The following SH3RF3 variants were observed in gnomAD, a reference collection of about 807,000 sequenced individuals.
SH3RF3 encodes the protein SH3 domain containing ring finger 3, also known as E3 ubiquitin-protein ligase SH3RF3.
In SH3RF3, 29 loss-of-function variants were observed where a neutral mutation model predicts 66.3. That is an observed-to-expected ratio of 0.44 (90% CI 0.33 to 0.60). SH3RF3 has a LOEUF of 0.60. Ranked by LOEUF, SH3RF3 falls within the 20% of genes least tolerant of loss-of-function variation. The pLI is 0.04. For synonymous variants in SH3RF3, 583 were observed against 532.0 expected, an observed-to-expected ratio of 1.10 and a Z score of -1.32; for missense variants, 1,194 against 1,190.9, an observed-to-expected ratio of 1.00 and a Z score of -0.04.
At position 109,301,582 on chromosome 2, in the gene SH3RF3, C is replaced by T. The variant is rs144598624; in HGVS notation, c.574-46092C>T. 5.0e-3 allele frequency among the ~76,000 whole-genome samples: 767 copies of T among 152,230 alleles called. 10 individuals carry two copies. Among genetic ancestry groups the T allele is most frequent in the African/African-American group, 0.017 (725 of 41,534 alleles). ...ACAGCCTCTGACAGCCTAGTGTCTACGCTACCACCGTCCCCAGGGCCTCTG... is the reference window on the plus strand; with the variant it reads ...ACAGCCTCTGACAGCCTAGTGTCTATGCTACCACCGTCCCCAGGGCCTCTG... On this transcript the variant is annotated intron_variant, in intron 1 of 9. Transcript: ENST00000309415.
At chr2:109,249,058 T>C (rs2105247833) in intron 1 of SH3RF3, among the ~76,000 whole-genome samples, 1 of 152,250 alleles carries the variant, frequency 6.6e-6, no homozygotes, top group Middle Eastern at 3.4e-3. Flanking sequence ...ATTTGTAATT[T>C]TGTGTAGAGA....
At chr2:109,156,658 C>G (rs986696656) in intron 1 of SH3RF3, among the ~76,000 whole-genome samples, 2 of 152,122 alleles carry the variant, frequency 1.3e-5, no homozygotes, top group African/African-American at 4.8e-5. Flanking sequence ...GTTGGCCAGG[C>G]TGGTCACGAA....
intron 1 of SH3RF3, among the ~76,000 whole-genome samples, chr2:109,195,129 A>G (rs1678464419): frequency 6.6e-6 from 1 of 152,208 alleles, no homozygotes; most frequent in South Asian, 2.1e-4. Context: ...TGGCAGATGG[A>G]TAAAAACTAA....
At chr2:109,446,370 C>T (rs1179414880) in intron 7 of SH3RF3, among the ~76,000 whole-genome samples, 2 of 152,198 alleles carry the variant, frequency 1.3e-5, no homozygotes, top group African/African-American at 4.8e-5. Flanking sequence ...ATTAAGCAGC[C>T]ATGTCCCCAC....
At chr2:109,278,172 A>G (rs1680803345) in intron 1 of SH3RF3, among the ~76,000 whole-genome samples, 1 of 132,882 alleles carries the variant, frequency 7.5e-6, no homozygotes, top group South Asian at 2.6e-4. Flanking sequence ...GCAAGACCCA[A>G]TCTTAAAAAA....
In SH3RF3 at chr2:109,501,499, C is replaced by T. The variant is rs980964754; in HGVS notation, c.2481-4C>T. 6.4e-6 allele frequency: 5 copies of T among 776,208 alleles called. No homozygotes were observed. In the African/African-American group the frequency reaches 6.8e-5, roughly 11 times the overall value. 48.1% of individuals were successfully genotyped at this position (776,208 alleles called of 1,614,324 possible). ...GGGGCTCACCCACTGTGCTGTTTCC[C>T]CAGGTACCGCGTGGTGGTCTCGTAC... On this transcript the variant is annotated splice_polypyrimidine_tract_variant and splice_region_variant and intron_variant, in intron 9 of 9. Coordinates refer to ENST00000309415, the MANE Select transcript of SH3RF3 (RefSeq NM_001099289.3).
rs766450709 is a variant in SH3RF3, at chr2:109,436,896, G to A, written c.1578G>A (p.Val526=). The A allele has an allele frequency of 6.2e-7, 1 of 1,613,062 alleles. No homozygotes were observed. The change falls in exon 7 of 10, where the codon GTG becomes GTA. Residue 526 remains valine (V), a synonymous_variant. Coordinates refer to ENST00000309415, the MANE Select transcript of SH3RF3 (RefSeq NM_001099289.3). The stretch of plus-strand genomic sequence containing the variant: ...TCCTTCTGCTTTCTCTCCACAGGGT[G>A]CCTGCAGGAGGGGCAGGGCCGCCCC... ...PGNYVTPVSR[V]PAGGAGPPRN... is the part of the protein sequence containing the mutation.
chr2:109,381,472 C>T (rs1031978479), intron 3 of SH3RF3, among the ~76,000 whole-genome samples: 1 of 152,140 alleles, frequency 6.6e-6, no homozygotes, highest in Non-Finnish European at 1.5e-5. Flanking sequence ...TCACACCTAC[C>T]CTCCGCAGGG....
chr2:109,303,945 T>C (rs973383715), intron 1 of SH3RF3, among the ~76,000 whole-genome samples: 1 of 151,918 alleles, frequency 6.6e-6, no homozygotes, highest in Non-Finnish European at 1.5e-5. Flanking sequence ...CTACTGAAAA[T>C]ACAAAATTAG....
intron 9 of SH3RF3, among the ~76,000 whole-genome samples, chr2:109,500,351 G>A (rs1309548158): frequency 6.6e-6 from 1 of 152,130 alleles, no homozygotes; most frequent in East Asian, 1.9e-4. Flanking sequence ...AGCCCAGAGA[G>A]CCCCTGGGGT....
intron 1 of SH3RF3, among the ~76,000 whole-genome samples, chr2:109,152,344 G>C (rs558145469): frequency 1.1e-3 from 173 of 152,212 alleles, no homozygotes; most frequent in African/African-American, 4.0e-3. Flanking sequence ...CCCTTTCCCT[G>C]GTGCATTTGG....
At chr2:109,384,257 G>T (rs1471952798) in intron 3 of SH3RF3, among the ~76,000 whole-genome samples, 1 of 152,192 alleles carries the variant, frequency 6.6e-6, no homozygotes, top group Non-Finnish European at 1.5e-5. Context: ...GACCACATCT[G>T]CCAGGGAGGA....
intron 1 of SH3RF3, among the ~76,000 whole-genome samples, chr2:109,282,591 C>T (rs181793014): frequency 6.3e-4 from 96 of 152,322 alleles, no homozygotes; most frequent in Non-Finnish European, 1.0e-3. Flanking sequence ...AGGAGAACGG[C>T]GCACAGAGCC....
In SH3RF3 at chr2:109,502,188, G is replaced by A. The variant is rs1679407064; in HGVS notation, c.*517G>A. 6.6e-6 allele frequency: 1 copy of A among 152,560 alleles called. No homozygotes were observed. The highest frequency in any genetic ancestry group is 2.1e-4 in the South Asian group (1 of 4,810). The allele number at this position is 152,560 out of a possible 1,614,324, so 9.5% of individuals were successfully genotyped here. On this transcript the variant is annotated 3_prime_UTR_variant, in exon 10 of 10. Transcript: ENST00000309415. ...GCTGCTCAGCAGGGGTGTTTGTGAG[G>A]CCCTGGGGGTGCCCCGGAAGGGGCA...
At position 109,331,678 on chromosome 2, in the gene SH3RF3, TTTTATCTATTTTGTTTCTATTTTC is replaced by T. The variant is rs575770135; in HGVS notation, c.574-15980_574-15957del. The stretch of plus-strand genomic sequence containing the variant: ...GTATGCTCCCTTAAGGTAGAGATGT[TTTTATCTATTTTGTTTCTATTTTC>T]TTTATCTATTTTGTTAGTTCCTAGA... On this transcript the variant is annotated intron_variant, in intron 1 of 9. Transcript: ENST00000309415. Among the ~76,000 whole-genome samples, 450 of 152,328 alleles carry T rather than the reference TTTTATCTATTTTGTTTCTATTTTC, an allele frequency of 3.0e-3. 3 individuals are homozygous for T. Among genetic ancestry groups the T allele is most frequent in the African/African-American group, 0.011 (444 of 41,564 alleles).
intron 8 of SH3RF3, among the ~76,000 whole-genome samples, chr2:109,480,165 G>C (rs1275303494): frequency 6.6e-6 from 1 of 152,206 alleles, no homozygotes; most frequent in Non-Finnish European, 1.5e-5. Context: ...TAAGACATCT[G>C]CTTTCAGAAA....
intron 1 of SH3RF3, among the ~76,000 whole-genome samples, chr2:109,247,243 C>T (rs1310366818): frequency 6.6e-6 from 1 of 152,166 alleles, no homozygotes; most frequent in African/African-American, 2.4e-5. Flanking sequence ...AGATTATGTG[C>T]TGCAGTGAGT....
chr2:109,136,219 G>A (rs1463968602), intron 1 of SH3RF3, among the ~76,000 whole-genome samples: 1 of 150,598 alleles, frequency 6.6e-6, no homozygotes, highest in Non-Finnish European at 1.5e-5. Context: ...TCTTTTTTGA[G>A]GTGCATTAAA....
At chr2:109,321,984 A>G (rs959185017) in intron 1 of SH3RF3, among the ~76,000 whole-genome samples, 75 of 152,234 alleles carry the variant, frequency 4.9e-4, no homozygotes, top group African/African-American at 1.8e-3. Flanking sequence ...GTTATTCAGT[A>G]TGAAAGCAAA....
Sources: allele counts gnomAD v4.1 joint callset (sites outside exome capture counted in the v4.1 genomes callset), GRCh38; gene constraint gnomAD v4.1.1; transcripts MANE v1.5; gene names NCBI Gene and HGNC (gene_info 2026-07-23, HGNC 2026-07-21).